The following GFRAL variants were observed in gnomAD, a reference collection of about 807,000 sequenced individuals.
GFRAL encodes GDNF family receptor alpha like.
Under a neutral mutation model 45.4 loss-of-function variants are expected in GFRAL, and 36 were observed. The ratio of observed to expected loss-of-function variants is 0.79; its 90% CI spans 0.61 to 1.05. GFRAL has a LOEUF of 1.05. Among genes scored for constraint, GFRAL ranks in the 50% least tolerant of loss-of-function variants. GFRAL has a pLI of 0.00. For missense variants in GFRAL, 507 were observed against 467.5 expected, an observed-to-expected ratio of 1.08 and a Z score of -0.78; for synonymous variants, 166 against 154.1, an observed-to-expected ratio of 1.08 and a Z score of -0.57.
At chr6:55,341,440 CA>C (rs1767964050) in intron 3 of GFRAL, among the ~76,000 whole-genome samples, 1 of 152,206 alleles carries the variant, frequency 6.6e-6, no homozygotes. Context: ...CAGCAAAGTC[CA>C]ACAGACCTGC....
intron 6 of GFRAL, among the ~76,000 whole-genome samples, chr6:55,395,901 A>T (rs914979430): frequency 5.3e-5 from 8 of 152,148 alleles, no homozygotes; most frequent in Non-Finnish European, 2.9e-5. Flanking sequence ...TTCCCATCAA[A>T]TGTACAAGGA....
intron 1 of GFRAL, among the ~76,000 whole-genome samples, chr6:55,330,199 TA>T (rs542734073): frequency 6.6e-6 from 1 of 152,198 alleles, no homozygotes; most frequent in African/African-American, 2.4e-5. Flanking sequence ...TGGAAGGTAT[TA>T]TTTTTTAGAT....
chr6:55,395,175 A>AAAATATATATATATATATAT, intron 6 of GFRAL, among the ~76,000 whole-genome samples: 6 of 123,488 alleles, frequency 4.9e-5, no homozygotes, highest in African/African-American at 1.7e-4. Flanking sequence ...AAAAAAAAAA[A>AAAATATATATATATATATAT]ATATATATAT....
intron 2 of GFRAL, among the ~76,000 whole-genome samples, chr6:55,332,935 G>A (rs1340179732): frequency 6.6e-6 from 1 of 152,110 alleles, no homozygotes; most frequent in Non-Finnish European, 1.5e-5. Context: ...TTGTTCTACA[G>A]CATAATCTAT....
At chr6:55,335,759 G>T (rs537669267) in intron 3 of GFRAL, among the ~76,000 whole-genome samples, 2 of 152,104 alleles carry the variant, frequency 1.3e-5, no homozygotes, top group African/African-American at 4.8e-5. Flanking sequence ...TTTCTATTCT[G>T]TTCCATTGAG....
intron 1 of GFRAL, among the ~76,000 whole-genome samples, chr6:55,330,828 G>A (rs1767820068): frequency 1.3e-5 from 2 of 152,136 alleles, no homozygotes; most frequent in African/African-American, 4.8e-5. Flanking sequence ...CAAACTGGAG[G>A]CAGACTGACT....
chr6:55,376,588 C>T (rs1033418012), intron 6 of GFRAL, among the ~76,000 whole-genome samples: 4 of 151,708 alleles, frequency 2.6e-5, no homozygotes, highest in African/African-American at 9.7e-5. Flanking sequence ...TGAAGGTGTC[C>T]AGGAATTTGT....
intron 3 of GFRAL, among the ~76,000 whole-genome samples, chr6:55,340,716 A>C (rs903057126): frequency 2.0e-5 from 3 of 152,152 alleles, no homozygotes; most frequent in Non-Finnish European, 2.9e-5. Context: ...GAGCTGAAGC[A>C]GGGTGAGGCA....
chr6:55,357,159 A>G (rs1285466827), intron 5 of GFRAL, among the ~76,000 whole-genome samples: 1 of 151,924 alleles, frequency 6.6e-6, no homozygotes, highest in African/African-American at 2.4e-5. Flanking sequence ...AATAATGTGT[A>G]TTCTTCAGCT....
chr6:55,344,261 C>T (rs1052773752), intron 3 of GFRAL, among the ~76,000 whole-genome samples: 7 of 152,256 alleles, frequency 4.6e-5, no homozygotes, highest in South Asian at 2.1e-4. Flanking sequence ...ACCAATATCC[C>T]TGATGAACAT....
intron 6 of GFRAL, among the ~76,000 whole-genome samples, chr6:55,373,827 C>A (rs1359744924): frequency 6.6e-6 from 1 of 151,690 alleles, no homozygotes; most frequent in African/African-American, 2.4e-5. Context: ...TAGTGGTTTG[C>A]TGCACAGATC....
intron 3 of GFRAL, among the ~76,000 whole-genome samples, chr6:55,341,748 C>A (rs1273763831): frequency 6.6e-6 from 1 of 152,058 alleles, no homozygotes; most frequent in African/African-American, 2.4e-5. Flanking sequence ...ATGTTCGAAC[C>A]CATTGAAAAG....
At chr6:55,346,830 ATCC>A (rs1768048746) in intron 3 of GFRAL, among the ~76,000 whole-genome samples, 3 of 60,610 alleles carry the variant, frequency 4.9e-5, no homozygotes, top group Admixed American at 2.4e-4. Context: ...TAAACAAGAA[ATCC>A]CCCCCCCCCA....
chr6:55,353,128 T>C (rs923885736), intron 5 of GFRAL, among the ~76,000 whole-genome samples: 5 of 151,806 alleles, frequency 3.3e-5, no homozygotes, highest in Admixed American at 1.3e-4. Flanking sequence ...AGAGAGTTAA[T>C]TGAGTGGGTG....
intron 6 of GFRAL, among the ~76,000 whole-genome samples, chr6:55,387,799 C>T (rs147635813): frequency 6.6e-6 from 1 of 152,224 alleles, no homozygotes; most frequent in East Asian, 1.9e-4. Flanking sequence ...ATCTCTCAGG[C>T]TAAAAGTTGC....
At chr6:55,350,844 A>G (rs575410478) in intron 4 of GFRAL, among the ~76,000 whole-genome samples, 212 of 152,268 alleles carry the variant, frequency 1.4e-3, no homozygotes, top group African/African-American at 5.0e-3. Context: ...TGGAGCCTTT[A>G]TTCAAGATTC....
intron 6 of GFRAL, among the ~76,000 whole-genome samples, chr6:55,390,339 C>G (rs543465431): frequency 6.6e-6 from 1 of 152,266 alleles, no homozygotes; most frequent in African/African-American, 2.4e-5. Context: ...CAGTGGCATA[C>G]AAAAACAAAG....
intron 6 of GFRAL, among the ~76,000 whole-genome samples, chr6:55,387,282 C>T (rs1365101020): frequency 6.6e-6 from 1 of 152,118 alleles, no homozygotes; most frequent in African/African-American, 2.4e-5. Context: ...TTCCATTTTC[C>T]ACCCTTATAT....
intron 3 of GFRAL, among the ~76,000 whole-genome samples, chr6:55,335,969 G>C (rs1234533879): frequency 4.0e-5 from 6 of 149,320 alleles, no homozygotes; most frequent in African/African-American, 9.9e-5. Context: ...TTTTGAAACA[G>C]GGTCTTATTC....
Sources: allele counts gnomAD v4.1 joint callset (sites outside exome capture counted in the v4.1 genomes callset), GRCh38; gene constraint gnomAD v4.1.1; transcripts MANE v1.5; gene names NCBI Gene and HGNC (gene_info 2026-07-23, HGNC 2026-07-21).